The following MCTP1 variants were observed in gnomAD, a reference collection of about 807,000 sequenced individuals.
MCTP1 encodes the protein multiple C2 and transmembrane domain containing 1.
Under a neutral mutation model 120.6 loss-of-function variants are expected in MCTP1, and 69 were observed. That is an observed-to-expected ratio of 0.57 (90% CI 0.47 to 0.70). The LOEUF (loss-of-function observed/expected upper bound fraction) is 0.70. Among genes scored for constraint, MCTP1 ranks in the 30% least tolerant of loss-of-function variants. The pLI is 0.00. For missense variants in MCTP1, 1,203 were observed against 1,248.8 expected, an observed-to-expected ratio of 0.96 and a Z score of 0.55; for synonymous variants, 529 against 493.1, an observed-to-expected ratio of 1.07 and a Z score of -0.96.
chr5:94,859,411 C>T (rs1438027033), intron 17 of MCTP1, among the ~76,000 whole-genome samples: 2 of 151,658 alleles, frequency 1.3e-5, no homozygotes, highest in Non-Finnish European at 3.0e-5. Context: ...TAATTAGCAA[C>T]AACTTATTGT....
chr5:94,981,047 A>G, intron 2 of MCTP1, among the ~76,000 whole-genome samples: 1 of 152,308 alleles, frequency 6.6e-6, no homozygotes, highest in East Asian at 1.9e-4. Context: ...TAAGTGTTTA[A>G]TGTGACAAGT....
intron 17 of MCTP1, among the ~76,000 whole-genome samples, chr5:94,817,930 C>T (rs531358840): frequency 1.2e-4 from 18 of 152,282 alleles, no homozygotes; most frequent in African/African-American, 3.9e-4. Context: ...GGTTCCACCC[C>T]TGGCTCTGCG....
chr5:95,111,213 T>C (rs746277536), intron 1 of MCTP1, among the ~76,000 whole-genome samples: 3 of 152,218 alleles, frequency 2.0e-5, no homozygotes, highest in South Asian at 2.1e-4. Context: ...TTAAATTCTA[T>C]TGGAAATGTT....
At chr5:95,139,137 T>C (rs1476900542) in intron 1 of MCTP1, among the ~76,000 whole-genome samples, 1 of 152,132 alleles carries the variant, frequency 6.6e-6, no homozygotes, top group Non-Finnish European at 1.5e-5. Context: ...ATTGAACACA[T>C]CCATCAAAAA....
At chr5:94,791,340 A>C (rs1778909185) in intron 18 of MCTP1, among the ~76,000 whole-genome samples, 1 of 151,598 alleles carries the variant, frequency 6.6e-6, no homozygotes. Flanking sequence ...AACAGTGTTT[A>C]ATTAAGAAGA....
At chr5:95,135,893 T>C (rs1374655052) in intron 1 of MCTP1, among the ~76,000 whole-genome samples, 2 of 152,252 alleles carry the variant, frequency 1.3e-5, no homozygotes, top group African/African-American at 4.8e-5. Flanking sequence ...AAAACTGGTT[T>C]ATTGTTCCAA....
chr5:94,930,416 G>C (rs1461794409), intron 6 of MCTP1, among the ~76,000 whole-genome samples: 1 of 151,680 alleles, frequency 6.6e-6, no homozygotes, highest in African/African-American at 2.4e-5. Context: ...TGGGATTACA[G>C]GCATGTGCCA....
intron 7 of MCTP1, among the ~76,000 whole-genome samples, chr5:94,920,775 A>AAAT (rs1285285811): frequency 6.6e-6 from 1 of 151,018 alleles, no homozygotes; most frequent in Non-Finnish European, 1.5e-5. Context: ...ATAAATAAAT[A>AAAT]AATAAATAAA....
chr5:94,936,578 G>A (rs1049720043), intron 5 of MCTP1, among the ~76,000 whole-genome samples: 4 of 152,054 alleles, frequency 2.6e-5, no homozygotes, highest in Admixed American at 1.3e-4. Context: ...AAGTTATAAA[G>A]CCTGGTATAA....
At chr5:94,864,113 C>T (rs114822833) in intron 17 of MCTP1, among the ~76,000 whole-genome samples, 1,946 of 151,942 alleles carry the variant, frequency 0.013, 53 homozygotes, top group African/African-American at 0.045. Context: ...ACAAAAGGAA[C>T]ACATGAATAC....
chr5:95,044,440 T>G (rs1211396336), intron 1 of MCTP1, among the ~76,000 whole-genome samples: 1 of 152,204 alleles, frequency 6.6e-6, no homozygotes, highest in Non-Finnish European at 1.5e-5. Context: ...TCAGTCCTTT[T>G]GCTCATTTAT....
chr5:95,059,586 G>A (rs1748376807), intron 1 of MCTP1, among the ~76,000 whole-genome samples: 1 of 151,792 alleles, frequency 6.6e-6, no homozygotes, highest in Non-Finnish European at 1.5e-5. Context: ...AAAAATGAAG[G>A]AAAAACAGGT....
intron 19 of MCTP1, among the ~76,000 whole-genome samples, chr5:94,728,997 A>C (rs60700385): frequency 0.016 from 2,473 of 152,310 alleles, 68 homozygotes; most frequent in African/African-American, 0.055. Context: ...AGCACCAAGC[A>C]AATACATGGA....
At chr5:95,126,105 C>T (rs1309109873) in intron 1 of MCTP1, among the ~76,000 whole-genome samples, 1 of 152,074 alleles carries the variant, frequency 6.6e-6, no homozygotes, top group Non-Finnish European at 1.5e-5. Flanking sequence ...TGTGCTAGAG[C>T]TATGGGGGGA....
intron 1 of MCTP1, among the ~76,000 whole-genome samples, chr5:95,143,727 G>A (rs767234036): frequency 5.3e-5 from 8 of 152,130 alleles, no homozygotes; most frequent in Non-Finnish European, 1.2e-4. Context: ...TGCTGCAAAG[G>A]ACATGATCTT....
At chr5:95,017,345 G>A in intron 2 of MCTP1, 22 bp downstream of exon 2, 1 of 1,452,912 alleles carries the variant, frequency 6.9e-7, no homozygotes, top group African/African-American at 1.4e-5. Flanking sequence ...GCTTCTAGGT[G>A]ATATTGCTCT....
At chr5:94,957,096 A>C (rs1270444703) in intron 2 of MCTP1, among the ~76,000 whole-genome samples, 5 of 152,198 alleles carry the variant, frequency 3.3e-5, no homozygotes, top group Admixed American at 3.3e-4. Context: ...GCCAGAAGAG[A>C]CTGGGGGCCA....
At position 94,940,111 on chromosome 5, in the gene MCTP1, G is replaced by C; in HGVS notation, c.1146C>G (p.Thr382=). Reference sequence around the variant, plus strand: ...CATCCCTGGACTCTCCTTCTTTAGGGGTAAGGATGACTGAGAGCAAAATGA... The same window carrying C: ...CATCCCTGGACTCTCCTTCTTTAGGCGTAAGGATGACTGAGAGCAAAATGA... The part of the protein sequence containing the change: ...LGIILLSVIL[T]PKEGESRDVT... The change falls in exon 5 of 23, where the codon ACC becomes ACG. Residue 382 remains threonine (T), a synonymous_variant. Coordinates refer to ENST00000515393, the MANE Select transcript of MCTP1 (RefSeq NM_024717.7). The C allele has an allele frequency of 1.2e-6, 2 of 1,607,238 alleles. No homozygotes were observed. The highest frequency in any genetic ancestry group is 2.2e-5 in the South Asian group (2 of 90,522).
intron 1 of MCTP1, among the ~76,000 whole-genome samples, chr5:95,135,854 G>A (rs536424748): frequency 2.6e-5 from 4 of 152,150 alleles, no homozygotes; most frequent in African/African-American, 9.6e-5. Flanking sequence ...ATAGTATTTT[G>A]GTTCAATAAA....
Sources: gnomAD v4.1 joint callset for allele counts (sites outside exome capture counted in the v4.1 genomes callset) on GRCh38, gnomAD v4.1.1 for gene constraint, MANE v1.5 for transcripts, NCBI Gene and HGNC (gene_info 2026-07-23, HGNC 2026-07-21) for gene names.